The following CPQ variants were observed in gnomAD, a reference collection of about 807,000 sequenced individuals.
The protein encoded by CPQ is carboxypeptidase Q.
A neutral mutation model predicts 45.7 loss-of-function variants in CPQ; 37 were observed. The ratio of observed to expected loss-of-function variants is 0.81; its 90% CI spans 0.62 to 1.07. The LOEUF (loss-of-function observed/expected upper bound fraction) is 1.07, where lower values mean the gene tolerates loss of function less well. Ranked by LOEUF, CPQ falls within the 50% of genes least tolerant of loss-of-function variation. The pLI is 0.00. For synonymous variants in CPQ, 186 were observed against 205.8 expected (o/e 0.90, Z 0.82); for missense variants, 537 against 572.9 (o/e 0.94, Z 0.64).
intron 1 of CPQ, among the ~76,000 whole-genome samples, chr8:96,717,381 C>T (rs926946839): frequency 1.3e-5 from 2 of 151,768 alleles, no homozygotes; most frequent in Admixed American, 6.6e-5. Flanking sequence ...ACATCCATGC[C>T]AACATCTATT....
At chr8:96,741,312 G>A (rs892419319) in intron 1 of CPQ, among the ~76,000 whole-genome samples, 1 of 152,138 alleles carries the variant, frequency 6.6e-6, no homozygotes, top group African/African-American at 2.4e-5. Context: ...TGTGGGATGG[G>A]TGGTGATATC....
intron 5 of CPQ, among the ~76,000 whole-genome samples, chr8:96,995,455 G>T (rs151126819): frequency 6.6e-6 from 1 of 152,062 alleles, no homozygotes; most frequent in East Asian, 1.9e-4. Context: ...GGGGAAAATA[G>T]TGCATATAGT....
At chr8:96,929,483 G>A (rs1479016392) in intron 4 of CPQ, among the ~76,000 whole-genome samples, 1 of 152,140 alleles carries the variant, frequency 6.6e-6, no homozygotes, top group African/African-American at 2.4e-5. Context: ...CTCAATGCAA[G>A]TCTCTCAGCT....
intron 4 of CPQ, among the ~76,000 whole-genome samples, chr8:96,959,165 T>C (rs1813408984): frequency 6.6e-6 from 1 of 152,146 alleles, no homozygotes; most frequent in African/African-American, 2.4e-5. Flanking sequence ...TATGAAAACA[T>C]GGATTTCTTG....
At chr8:96,954,787 C>G (rs1813327912) in intron 4 of CPQ, among the ~76,000 whole-genome samples, 1 of 152,054 alleles carries the variant, frequency 6.6e-6, no homozygotes, top group African/African-American at 2.4e-5. Context: ...TGATGTTCCC[C>G]TTCCTGTGTC....
intron 3 of CPQ, among the ~76,000 whole-genome samples, chr8:96,869,441 A>G (rs554611078): frequency 1.7e-4 from 26 of 152,206 alleles, no homozygotes; most frequent in Non-Finnish European, 5.9e-5. Flanking sequence ...CTCTATAGTC[A>G]CACTGGGCAT....
At chr8:96,905,502 ACAG>A (rs1181386922) in intron 4 of CPQ, among the ~76,000 whole-genome samples, 1 of 152,156 alleles carries the variant, frequency 6.6e-6, no homozygotes, top group African/African-American at 2.4e-5. Context: ...TTATAGCATT[ACAG>A]CTGGTGCCCA....
chr8:96,834,525 ATGT>A (rs1488781172), intron 2 of CPQ, among the ~76,000 whole-genome samples: 4 of 152,182 alleles, frequency 2.6e-5, no homozygotes, highest in African/African-American at 9.6e-5. Flanking sequence ...CCTTTGTATG[ATGT>A]TGTTGTAGGT....
intron 1 of CPQ, among the ~76,000 whole-genome samples, chr8:96,768,693 A>G (rs1238904139): frequency 1.9e-4 from 29 of 152,150 alleles, no homozygotes; most frequent in Admixed American, 1.9e-3. Context: ...TGCCTGTTTG[A>G]CAGGTTTAAT....
At chr8:97,140,127 A>G (rs1405613330) in intron 7 of CPQ, among the ~76,000 whole-genome samples, 1 of 152,028 alleles carries the variant, frequency 6.6e-6, no homozygotes, top group African/African-American at 2.4e-5. Context: ...TGACAACTTC[A>G]TGCCAATTAT....
rs372241683 is a variant in CPQ at position 96,737,355 on chromosome 8, G to GATAT, written c.-34-47498_-34-47495dup. ...ACACACTCACACAGAACTAATAGGAGATATATATATATATGAGTTTATTAA... is the reference window on the plus strand; with the variant it reads ...ACACACTCACACAGAACTAATAGGAGATATATATATATATATATGAGTTTATTAA... On this transcript the variant is annotated intron_variant, in intron 1 of 7. Transcript: ENST00000220763. Among the ~76,000 whole-genome samples the GATAT allele has an allele frequency of 5.1e-5, 6 of 118,012 alleles. 1 individual carries two copies. Among genetic ancestry groups the GATAT allele is most frequent in the African/African-American group, 2.0e-4 (6 of 30,130 alleles). 77.4% of individuals were successfully genotyped at this position (118,012 alleles called of 152,430 possible).
At chr8:97,000,879 T>A (rs917924458) in intron 5 of CPQ, among the ~76,000 whole-genome samples, 3 of 152,210 alleles carry the variant, frequency 2.0e-5, no homozygotes, top group Admixed American at 6.5e-5. Context: ...GAGCATGGAA[T>A]GTTTTTCCAT....
At chr8:96,820,033 A>G (rs911804490) in intron 2 of CPQ, among the ~76,000 whole-genome samples, 5 of 152,062 alleles carry the variant, frequency 3.3e-5, no homozygotes, top group Admixed American at 6.6e-5. Flanking sequence ...CAAGATATCT[A>G]TGGTGTTGGT....
intron 5 of CPQ, among the ~76,000 whole-genome samples, chr8:96,997,074 G>T (rs1375460385): frequency 6.6e-6 from 1 of 151,828 alleles, no homozygotes; most frequent in Non-Finnish European, 1.5e-5. Context: ...TCTTCTGTTT[G>T]GAAAGTCTCT....
At chr8:97,142,870 C>T (rs1812191209) in intron 7 of CPQ, 150 bp from the exon 8 acceptor site, 3 of 656,360 alleles carry the variant, frequency 4.6e-6, no homozygotes, top group Non-Finnish European at 7.6e-6. Flanking sequence ...GACACATGGA[C>T]ATTTCTTGCA....
intron 1 of CPQ, among the ~76,000 whole-genome samples, chr8:96,657,261 CTT>C (rs1309564135): frequency 1.3e-5 from 2 of 152,066 alleles, no homozygotes; most frequent in Admixed American, 6.5e-5. Context: ...AGGAGAATCA[CTT>C]GAACCCAGGA....
intron 4 of CPQ, among the ~76,000 whole-genome samples, chr8:96,884,697 C>T (rs1187155820): frequency 6.6e-6 from 1 of 152,164 alleles, no homozygotes; most frequent in East Asian, 1.9e-4. Context: ...CAACTGAGAA[C>T]TGATCTTTCA....
intron 4 of CPQ, among the ~76,000 whole-genome samples, chr8:96,911,148 C>T (rs1812657435): frequency 6.6e-6 from 1 of 152,030 alleles, no homozygotes; most frequent in South Asian, 2.1e-4. Flanking sequence ...CAGAAGGTTC[C>T]CCTGGGTAAG....
At chr8:97,115,196 T>G (rs1811563796) in intron 7 of CPQ, among the ~76,000 whole-genome samples, 1 of 152,216 alleles carries the variant, frequency 6.6e-6, no homozygotes, top group Non-Finnish European at 1.5e-5. Flanking sequence ...CCTGGGTGCC[T>G]CTTCTATTGC....
Sources: gnomAD v4.1 joint callset for allele counts (sites outside exome capture counted in the v4.1 genomes callset) on GRCh38, gnomAD v4.1.1 for gene constraint, MANE v1.5 for transcripts, NCBI Gene and HGNC (gene_info 2026-07-23, HGNC 2026-07-21) for gene names.